The following ZNF862 variants were observed in gnomAD, a reference collection of about 807,000 sequenced individuals.
The protein encoded by ZNF862 is zinc finger protein 862.
Under a neutral mutation model 91.1 loss-of-function variants are expected in ZNF862, and 64 were observed. The observed-to-expected ratio is 0.70, with a 90% CI of 0.57 to 0.87. ZNF862 has a LOEUF of 0.87. Ranked by LOEUF, ZNF862 falls within the 40% of genes least tolerant of loss-of-function variation. ZNF862 has a pLI of 0.00. For missense variants in ZNF862, 1,459 were observed against 1,528.0 expected, an observed-to-expected ratio of 0.95 and a Z score of 0.75; for synonymous variants, 631 against 618.1, an observed-to-expected ratio of 1.02 and a Z score of -0.31.
chr7:149,855,431 C>T lies in ZNF862; in HGVS notation c.1118-3991C>T, dbSNP rs1048187556. Among the ~76,000 whole-genome samples, 6 of 152,212 alleles carry T rather than the reference C, an allele frequency of 3.9e-5. No individual in the cohort carries two copies. Among genetic ancestry groups the T allele is most frequent in the African/African-American group, 1.2e-4 (5 of 41,456 alleles). ...CCCATGCCATAGGAAGAAAGGGGCT[C>T]CTCTTCTCCCACCCCCTGCTGGTTT... On this transcript the variant is annotated intron_variant, in intron 5 of 7. Coordinates refer to ENST00000223210, the MANE Select transcript of ZNF862 (RefSeq NM_001099220.3). The surrounding 1 kb of genome is among the most constrained non-coding windows in gnomAD (Gnocchi z 4.1).
At position 149,861,190 on chromosome 7, in the gene ZNF862, C is replaced by T. The variant is rs1351384564; in HGVS notation, c.2030C>T (p.Ala677Val). The T allele has an allele frequency of 6.2e-7, 1 of 1,612,644 alleles. No individual in the cohort carries two copies. The highest frequency in any genetic ancestry group is 8.5e-7 in the Non-Finnish European group (1 of 1,179,680). The stretch of plus-strand genomic sequence containing the variant: ...GGGTACTTCGAGACCATCGTTTCTG[C>T]CCTGGATGAGCTGGACATCCCCTTC... ...ADGYFETIVS[A>V]LDELDIPFRK... The change falls in exon 7 of 8, where the codon GCC becomes GTC. Residue 677 changes from alanine (A) to valine (V), a missense_variant. By Grantham distance (64) the Ala-to-Val change is moderately conservative. Coordinates refer to ENST00000223210, the MANE Select transcript of ZNF862 (RefSeq NM_001099220.3). This position sits in a 1 kb window ranked among gnomAD's most constrained non-coding sequence, Gnocchi z 6.7.
chr7:149,865,459 C>T lies in ZNF862; in HGVS notation c.*1175C>T, dbSNP rs934689494. 12 of 152,210 alleles carry T rather than the reference C, an allele frequency of 7.9e-5. No individual in the cohort carries two copies. Among genetic ancestry groups the T allele is most frequent in the African/African-American group, 2.9e-4 (12 of 41,414 alleles). The allele number at this position is 152,210 out of a possible 1,614,324, so 9.4% of individuals were successfully genotyped here. A position where few individuals can be genotyped will look rare whatever the true frequency, so the allele number is the denominator to read the frequency against. Reference sequence around the variant, plus strand: ...CTCCTCCAGGGACTTTGGGCCTGCTCTAGCTTCAGAACCACAGAACCACCG... The same window carrying T: ...CTCCTCCAGGGACTTTGGGCCTGCTTTAGCTTCAGAACCACAGAACCACCG... On this transcript the variant is annotated 3_prime_UTR_variant, in exon 8 of 8. Transcript: ENST00000223210.
Position 149,861,174 on chromosome 7 carries a change from G to A in ZNF862, c.2014G>A (p.Glu672Lys), listed in dbSNP as rs369621021. 19 of 1,612,790 alleles carry A rather than the reference G, an allele frequency of 1.2e-5. No homozygotes were observed. Among genetic ancestry groups the A allele is most frequent in the African/African-American group, 9.3e-5 (7 of 74,912 alleles). Reference sequence around the variant, plus strand: ...CAGTGAGACAGCAGATGGGTACTTCGAGACCATCGTTTCTGCCCTGGATGA... The same window carrying A: ...CAGTGAGACAGCAGATGGGTACTTCAAGACCATCGTTTCTGCCCTGGATGA... ...LYSETADGYFETIVSALDELD... is the reference protein window; with the variant it reads ...LYSETADGYFKTIVSALDELD... The change falls in exon 7 of 8, where the codon GAG (glutamate) becomes AAG (lysine). Residue 672 changes from glutamate (E) to lysine (K), a missense_variant. Transcript: ENST00000223210. The surrounding 1 kb of genome is among the most constrained non-coding windows in gnomAD (Gnocchi z 6.7).
intron 1 of ZNF862, among the ~76,000 whole-genome samples, chr7:149,839,495 A>G (rs947961245): frequency 1.3e-5 from 2 of 152,242 alleles, no homozygotes; most frequent in African/African-American, 4.8e-5. Flanking sequence ...AGATGCTGGA[A>G]GTATGAGGAT....
intron 2 of ZNF862, 57 bp from the exon 3 acceptor site, chr7:149,846,094 C>G: frequency 1.5e-6 from 2 of 1,300,054 alleles, no homozygotes; most frequent in South Asian, 2.5e-5. Flanking sequence ...GACCCGGAGC[C>G]AGGTCTTCAT....
chr7:149,862,871 G>C (rs1288109152), intron 7 of ZNF862, among the ~76,000 whole-genome samples: 1 of 152,232 alleles, frequency 6.6e-6, no homozygotes, highest in Admixed American at 6.5e-5. Flanking sequence ...CTGGCAGGTG[G>C]TGCAAATGGT....
Position 149,864,774 on chromosome 7 carries a change from A to G in ZNF862, c.*490A>G, listed in dbSNP as rs1268428143. ...CAGAGGCATTGTTCTGGGACTTCCT[A>G]CCCTGGCTCCCACAGCAGAAGCAGT... On this transcript the variant is annotated 3_prime_UTR_variant, in exon 8 of 8. Transcript: ENST00000223210. 1 of 154,790 alleles carries G rather than the reference A, an allele frequency of 6.5e-6. No individual in the cohort carries two copies. Among genetic ancestry groups the G allele is most frequent in the African/African-American group, 2.4e-5 (1 of 41,376 alleles). 9.6% of individuals were successfully genotyped at this position (154,790 alleles called of 1,614,324 possible). A position where few individuals can be genotyped will look rare whatever the true frequency, so the allele number is the denominator to read the frequency against.
intron 5 of ZNF862, among the ~76,000 whole-genome samples, chr7:149,854,141 C>T (rs952769815): frequency 1.2e-4 from 18 of 152,170 alleles, no homozygotes; most frequent in Non-Finnish European, 2.2e-4. Context: ...CACCGCTGAG[C>T]GTGTCAGCTC....
intron 5 of ZNF862, chr7:149,851,466 G>GC (rs1802066607): frequency 6.6e-6 from 1 of 152,220 alleles, no homozygotes; most frequent in Non-Finnish European, 1.5e-5. Flanking sequence ...GAGTATCACT[G>GC]CCCGTGCTGT....
In ZNF862 at chr7:149,848,304, G is replaced by T. The variant is rs776789679; in HGVS notation, c.811G>T (p.Asp271Tyr). 2 of 1,608,270 alleles carry T rather than the reference G, an allele frequency of 1.2e-6. No homozygotes were observed. The highest frequency in any genetic ancestry group is 1.7e-5 in the Admixed American group (1 of 59,184). ...AGCTGAACTAGAGGACCCTGGGGGG[G>T]ATGGAGCAATTCCTGCAATGTATCT... ...SRAELEDPGG[D>Y]GAIPAMYLDC... The change falls in exon 4 of 8, where the codon GAT (aspartate) becomes TAT (tyrosine). Residue 271 changes from aspartate (D) to tyrosine (Y), a missense_variant. Coordinates refer to ENST00000223210, the MANE Select transcript of ZNF862 (RefSeq NM_001099220.3).
chr7:149,859,328 C>A, intron 5 of ZNF862, 94 bp from the exon 6 acceptor site: 3 of 1,127,472 alleles, frequency 2.7e-6, no homozygotes. Flanking sequence ...CCCAGAGACA[C>A]CTCTGTGTAC....
At chr7:149,841,794 T>G in intron 1 of ZNF862, 2 of 980,866 alleles carry the variant, frequency 2.0e-6, no homozygotes, top group Non-Finnish European at 2.4e-6. Flanking sequence ...CTTTCTCATT[T>G]TTTTCTGAAC....
intron 4 of ZNF862, among the ~76,000 whole-genome samples, chr7:149,848,899 C>T (rs1308349893): frequency 6.6e-6 from 1 of 152,154 alleles, no homozygotes; most frequent in Non-Finnish European, 1.5e-5. Flanking sequence ...CTCCAAGGCT[C>T]AAGCAATCCT....
rs1228960321 is a variant in ZNF862 at position 149,848,015 on chromosome 7, G to A, written c.522G>A (p.Arg174=). 1 of 1,613,708 alleles carries A rather than the reference G, an allele frequency of 6.2e-7. No individual in the cohort carries two copies. Among genetic ancestry groups the A allele is most frequent in the East Asian group, 2.2e-5 (1 of 44,888 alleles). ...CREYPSIRDK[R]SRLIEGYTGP... The stretch of plus-strand genomic sequence containing the variant: ...AATACCCCTCCATCAGGGACAAACG[G>A]TCAAGACTAATAGAAGGTTATACAG... Residue 174 remains arginine, a synonymous_variant, in exon 4 of 8, where the codon CGG becomes CGA. Coordinates refer to ENST00000223210, the MANE Select transcript of ZNF862 (RefSeq NM_001099220.3).
chr7:149,856,756 T>G (rs1802279725), intron 5 of ZNF862, among the ~76,000 whole-genome samples: 1 of 152,112 alleles, frequency 6.6e-6, no homozygotes, highest in African/African-American at 2.4e-5. Context: ...ATTTCCCGAG[T>G]CTGTCTCTTC....
chr7:149,867,417 T>C lies in ZNF862; in HGVS notation c.*3133T>C, dbSNP rs1802775222. The stretch of plus-strand genomic sequence containing the variant: ...TATTTTCAAAGATGAAAGGAGGTTT[T>C]AAAAACCATGTTTGATTCCTAACCT... On this transcript the variant is annotated 3_prime_UTR_variant, in exon 8 of 8. Coordinates refer to ENST00000223210, the MANE Select transcript of ZNF862 (RefSeq NM_001099220.3). The C allele has an allele frequency of 6.6e-6, 1 of 152,244 alleles. No individual in the cohort carries two copies. Among genetic ancestry groups the C allele is most frequent in the Non-Finnish European group, 1.5e-5 (1 of 68,048 alleles). The allele number at this position is 152,244 out of a possible 1,614,324, so 9.4% of individuals were successfully genotyped here.
chr7:149,847,639 C>A, intron 3 of ZNF862, 96 bp from the exon 4 acceptor site: 506 of 595,004 alleles, frequency 8.5e-4, no homozygotes, highest in Middle Eastern at 2.8e-3. Context: ...GTGTGCTTTC[C>A]GTCTTTCATA....
At position 149,859,411 on chromosome 7, in the gene ZNF862, C is replaced by T; in HGVS notation, c.1118-11C>T. 1 of 1,562,162 alleles carries T rather than the reference C, an allele frequency of 6.4e-7. No homozygotes were observed. Among genetic ancestry groups the T allele is most frequent in the South Asian group, 1.2e-5 (1 of 84,678 alleles). On this transcript the variant is annotated splice_polypyrimidine_tract_variant and intron_variant, in intron 5 of 7. Coordinates refer to ENST00000223210, the MANE Select transcript of ZNF862 (RefSeq NM_001099220.3). ...CAGTGACATCAGCATGATTCTTCAT[C>T]CTTACAACAGGACCTGCCGCTGCCA...
Position 149,861,781 on chromosome 7 carries a change from G to T in ZNF862, c.2621G>T (p.Arg874Leu), listed in dbSNP as rs750688996. The T allele has an allele frequency of 6.2e-7, 1 of 1,613,626 alleles. No individual in the cohort carries two copies. The highest frequency in any genetic ancestry group is 1.1e-5 in the South Asian group (1 of 91,090). The stretch of plus-strand genomic sequence containing the variant: ...ACAGAGGTGAACGCCACGCTGGGCC[G>T]CGCCTACGTGGCACTGGAGAGCCTC... ...LITEVNATLG[R>L]AYVALESLRH... The change falls in exon 7 of 8, where the codon CGC becomes CTC. Residue 874 changes from arginine to leucine, a missense_variant. By Grantham distance (102) the Arg-to-Leu change is moderately radical. Coordinates refer to ENST00000223210, the MANE Select transcript of ZNF862 (RefSeq NM_001099220.3). The surrounding 1 kb of genome is among the most constrained non-coding windows in gnomAD (Gnocchi z 6.7).
Sources: gnomAD v4.1 joint callset for allele counts (sites outside exome capture counted in the v4.1 genomes callset) on GRCh38, gnomAD v4.1.1 for gene constraint, Gnocchi (gnomAD v3.1) non-coding constraint, MANE v1.5 for transcripts, NCBI Gene and HGNC (gene_info 2026-07-23, HGNC 2026-07-21) for gene names.